Variants in FLG observed in about 807,000 individuals in gnomAD.
The protein encoded by FLG is filaggrin.
A neutral mutation model predicts 3.8 loss-of-function variants in FLG; 6 were observed. That is an observed-to-expected ratio of 1.60 (90% CI 0.87 to 3.15). The LOEUF is 3.15. Among genes scored for constraint, FLG ranks in the 30% most tolerant of loss-of-function variants. The pLI is 0.00. For synonymous variants in FLG, 2,551 were observed against 1,931.6 expected (o/e 1.32, Z -8.41); for missense variants, 7,595 against 5,050.9 (o/e 1.50, Z -15.27).
rs752856446 is a variant in FLG, at chr1:152,308,793, G to A, written c.6093C>T (p.Val2031=). ...GIGHGQASSA[V]RDSGHRGYSG... is the part of the protein sequence containing the mutation. ...TGTACCCTCGGTGTCCACTGTCTCTGACTGCAGATGAAGCTTGTCCATGCC... is the reference window on the plus strand; with the variant it reads ...TGTACCCTCGGTGTCCACTGTCTCTAACTGCAGATGAAGCTTGTCCATGCC... The change falls in exon 3 of 3, where the codon GTC becomes GTT. Residue 2031 remains valine (V), a synonymous_variant. Coordinates refer to ENST00000368799, the MANE Select transcript of FLG (RefSeq NM_002016.2). 3.7e-6 allele frequency: 6 copies of A among 1,614,160 alleles called. No individual in the cohort carries two copies. The East Asian group carries it at 1.1e-4, about 30-fold the overall frequency.
rs371502163 is a variant in FLG at position 152,305,168 on chromosome 1, G to C, written c.9718C>G (p.Arg3240Gly). ...CTTGACTGCTCCTGAACAGATCCACGATGGTTTCTGGAAGCAGACCCAGAC... is the reference window on the plus strand; with the variant it reads ...CTTGACTGCTCCTGAACAGATCCACCATGGTTTCTGGAAGCAGACCCAGAC... Reference protein sequence around the residue: ...RWSGSASRNHRGSVQEQSRHG... With the variant: ...RWSGSASRNHGGSVQEQSRHG... The change falls in exon 3 of 3, where the codon CGT becomes GGT. Residue 3240 changes from arginine to glycine, a missense_variant. Coordinates refer to ENST00000368799, the MANE Select transcript of FLG (RefSeq NM_002016.2). 5 of 1,613,670 alleles carry C rather than the reference G, an allele frequency of 3.1e-6. No homozygotes were observed. In the African/African-American group the frequency reaches 5.3e-5, roughly 17 times the overall value.
rs762970893 is a variant in FLG at position 152,308,223 on chromosome 1, T to C, written c.6663A>G (p.Arg2221=). The C allele has an allele frequency of 1.9e-6, 3 of 1,614,014 alleles. No homozygotes were observed. Among genetic ancestry groups the C allele is most frequent in the South Asian group, 2.2e-5 (2 of 91,086 alleles). ...ATTGTCCCTGGCCCACCAGTGAGTG[T>C]CTAGAGCTGTCGGCCCAAGAGGAAG... ...HEASSWADSS[R]HSLVGQGQSS... Residue 2221 remains arginine, a synonymous_variant, in exon 3 of 3, where the codon AGA becomes AGG. Coordinates refer to ENST00000368799, the MANE Select transcript of FLG (RefSeq NM_002016.2).
intron 1 of FLG, among the ~76,000 whole-genome samples, chr1:152,319,965 C>A (rs570937801): frequency 9.3e-5 from 14 of 151,222 alleles, no homozygotes; most frequent in Admixed American, 2.0e-4. Flanking sequence ...AATTAAAATA[C>A]ATAACAATCC....
At chr1:152,320,803 T>G (rs1218944039) in intron 1 of FLG, among the ~76,000 whole-genome samples, 1 of 150,946 alleles carries the variant, frequency 6.6e-6, no homozygotes, top group African/African-American at 2.4e-5. Flanking sequence ...TTTCAATAAA[T>G]TTTAAAGGGT....
rs755233970 is a variant in FLG at position 152,312,685 on chromosome 1, A to G, written c.2201T>C (p.Val734Ala). The G allele has an allele frequency of 1.2e-6, 2 of 1,613,674 alleles. No individual in the cohort carries two copies. The highest frequency in any genetic ancestry group is 1.7e-6 in the Non-Finnish European group (2 of 1,179,948). ...GGACCCTCGGTGTCCACTGTCTCTGACTGCAGATGAAGCTTGTCCGTGCCC... is the reference window on the plus strand; with the variant it reads ...GGACCCTCGGTGTCCACTGTCTCTGGCTGCAGATGAAGCTTGTCCGTGCCC... ...GTGHGQASSA[V>A]RDSGHRGSSG... The change falls in exon 3 of 3, where the codon GTC (valine) becomes GCC (alanine). Residue 734 changes from valine to alanine, a missense_variant. By Grantham distance (64) the Val-to-Ala change is moderately conservative (BLOSUM62 0). Coordinates refer to ENST00000368799, the MANE Select transcript of FLG (RefSeq NM_002016.2).
At position 152,310,064 on chromosome 1, in the gene FLG, C is replaced by A. The variant is rs1652284727; in HGVS notation, c.4822G>T (p.Glu1608Ter). Residue 1608 changes from glutamate (E) to a stop codon, truncating the protein, a stop_gained, in exon 3 of 3, where the codon GAG becomes TAG. Coordinates refer to ENST00000368799, the MANE Select transcript of FLG (RefSeq NM_002016.2). LOFTEE classifies it low-confidence loss of function (END_TRUNC). ...RDSEGHSEDS[E>*]RRSESASRNH... ...CTGGAAGCCGACTCAGACCGCCTCT[C>A]AGAGTCTTCTGAGTGTCCCTCACTG... The A allele has an allele frequency of 6.2e-7, 1 of 1,613,930 alleles. No homozygotes were observed. Among genetic ancestry groups the A allele is most frequent in the Non-Finnish European group, 8.5e-7 (1 of 1,180,018 alleles).
In FLG at chr1:152,307,710, A is replaced by T. The variant is rs1163393680; in HGVS notation, c.7176T>A (p.His2392Gln). 1.9e-6 allele frequency: 3 copies of T among 1,612,430 alleles called. No individual in the cohort carries two copies. The Admixed American group carries it at 5.0e-5, about 27-fold the overall frequency. The change falls in exon 3 of 3, where the codon CAT becomes CAA. Residue 2392 changes from histidine (H) to glutamine (Q), a missense_variant. Physicochemically the swap from His to Gln is conservative, Grantham distance 24. Coordinates refer to ENST00000368799, the MANE Select transcript of FLG (RefSeq NM_002016.2). ...SVSAHGQAGP[H>Q]QQSHQESTRG... Reference sequence around the variant, plus strand: ...GTGTGGACTCTTGGTGGCTCTGCTGATGGGGCCCAGCCTGTCCGTGGGCTG... The same window carrying T: ...GTGTGGACTCTTGGTGGCTCTGCTGTTGGGGCCCAGCCTGTCCGTGGGCTG...
rs762548262 is a variant in FLG, at chr1:152,314,067, C to T, written c.819G>A (p.Arg273=). Residue 273 remains arginine, a synonymous_variant, in exon 3 of 3, where the codon AGG becomes AGA. Transcript: ENST00000368799. ...CCTGGCTTGTATTTTCATGTCTTGA[C>T]CTGTTCACTTGAGATGATGATTTGC... ...SDGKSSSQVN[R]SRHENTSQVP... The T allele has an allele frequency of 9.9e-6, 16 of 1,614,158 alleles. No individual in the cohort carries two copies. Among genetic ancestry groups the T allele is most frequent in the Non-Finnish European group, 1.4e-5 (16 of 1,180,026 alleles).
chr1:152,311,506 G>C lies in FLG; in HGVS notation c.3380C>G (p.Ser1127Cys). The change falls in exon 3 of 3, where the codon TCT (serine) becomes TGT (cysteine). Residue 1127 changes from serine to cysteine, a missense_variant. Transcript: ENST00000368799. ...CCTGGTCCGCCCATGGGCAGACTCA[G>C]ACTGTTCATGAGTGCTCACCTGGTA... ...FIYQVSTHEQ[S>C]ESAHGRTRTS... The C allele has an allele frequency of 6.2e-7, 1 of 1,613,894 alleles. No homozygotes were observed. The highest frequency in any genetic ancestry group is 1.1e-5 in the South Asian group (1 of 91,066).
chr1:152,314,999 A>G (rs1652726579), intron 2 of FLG: 5 of 481,806 alleles, frequency 1.0e-5, no homozygotes, highest in Non-Finnish European at 1.4e-5. Context: ...AGAAGTGTAT[A>G]TAATTCATTA....
chr1:152,322,574 C>A (rs1653016835), intron 1 of FLG, among the ~76,000 whole-genome samples: 1 of 150,230 alleles, frequency 6.7e-6, no homozygotes, highest in Non-Finnish European at 1.5e-5. Context: ...TGGCTGTACT[C>A]AGAATATTAT....
rs1168562627 is a variant in FLG, at chr1:152,310,902, T to C, written c.3984A>G (p.Gln1328=). 3.7e-6 allele frequency: 6 copies of C among 1,613,972 alleles called. No homozygotes were observed. Among genetic ancestry groups the C allele is most frequent in the Non-Finnish European group, 5.1e-6 (6 of 1,179,988 alleles). The change falls in exon 3 of 3, where the codon CAA becomes CAG. Residue 1328 remains glutamine (Q), a synonymous_variant. Coordinates refer to ENST00000368799, the MANE Select transcript of FLG (RefSeq NM_002016.2). ...AAGACTCTGTGTGATGAGTGCCTGA[T>C]TGTCTGGAGCTGTCTGCAGAGTGCC... ...SHGHSADSSR[Q]SGTHHTESSS...
Position 152,304,073 on chromosome 1 carries a change from T to G in FLG, c.10813A>C (p.Asn3605His), listed in dbSNP as rs76025045. 11 of 1,612,380 alleles carry G rather than the reference T, an allele frequency of 6.8e-6. No individual in the cohort carries two copies. The highest frequency in any genetic ancestry group is 1.3e-5 in the African/African-American group (1 of 74,630). The change falls in exon 3 of 3, where the codon AAT (asparagine) becomes CAT (histidine). Residue 3605 changes from asparagine to histidine, a missense_variant. Physicochemically the swap from Asn to His is moderately conservative, Grantham distance 68 (BLOSUM62 1). Transcript: ENST00000368799. ...SRQSGTHHAENSSGGQAASSH... is the reference protein window; with the variant it reads ...SRQSGTHHAEHSSGGQAASSH... ...GATGCAGCCTGTCCACCAGAGGAAT[T>G]CTCTGCATGATGAGTGCCTGATTGT...
In FLG at chr1:152,307,302, C is replaced by A. The variant is rs746090083; in HGVS notation, c.7584G>T (p.Arg2528Ser). 7 of 1,613,440 alleles carry A rather than the reference C, an allele frequency of 4.3e-6. No homozygotes were observed. In the South Asian group the frequency reaches 7.7e-5, roughly 18 times the overall value. ...RNDEQSGDGS[R>S]HSGSRHHEAS... ...CTTCATGGTGACGCGACCCTGAGTG[C>A]CTGGAGCCGTCTCCTGATTGTTCAT... The change falls in exon 3 of 3, where the codon AGG becomes AGT. Residue 2528 changes from arginine (R) to serine (S), a missense_variant. Coordinates refer to ENST00000368799, the MANE Select transcript of FLG (RefSeq NM_002016.2).
Position 152,314,288 on chromosome 1 carries a change from G to C in FLG, c.598C>G (p.Leu200Val). 1 of 1,612,572 alleles carries C rather than the reference G, an allele frequency of 6.2e-7. No homozygotes were observed. Among genetic ancestry groups the C allele is most frequent in the Non-Finnish European group, 8.5e-7 (1 of 1,179,680 alleles). ...TCTTTCTCTTCAAGTCTTTCACTTA[G>C]CCTCTTCCTATTGTCTCCTAATCTA... ...NTRLGDNRKR[L>V]SERLEEKEDN... is the part of the protein sequence containing the mutation. The change falls in exon 3 of 3, where the codon CTA becomes GTA. Residue 200 changes from leucine (L) to valine (V), a missense_variant. Transcript: ENST00000368799.
rs751717968 is a variant in FLG, at chr1:152,312,707, G to T, written c.2179C>A (p.His727Asn). 2 of 1,613,988 alleles carry T rather than the reference G, an allele frequency of 1.2e-6. No individual in the cohort carries two copies. The highest frequency in any genetic ancestry group is 8.5e-7 in the Non-Finnish European group (1 of 1,180,020). The change falls in exon 3 of 3, where the codon CAC becomes AAC. Residue 727 changes from histidine (H) to asparagine (N), a missense_variant. Physicochemically the swap from His to Asn is moderately conservative, Grantham distance 68. Transcript: ENST00000368799. ...ADSSRHSGTGHGQASSAVRDS... is the reference protein window; with the variant it reads ...ADSSRHSGTGNGQASSAVRDS... ...CTGACTGCAGATGAAGCTTGTCCGT[G>T]CCCAGTGCCTGAGTGTCTGGAGCTG... is the stretch of plus-strand genomic sequence containing the variant.
chr1:152,323,677 A>ATT (rs531591628), intron 1 of FLG, among the ~76,000 whole-genome samples: 2 of 144,634 alleles, frequency 1.4e-5, no homozygotes, highest in East Asian at 2.0e-4. Context: ...GAGAATTGAG[A>ATT]TTTTTTTTTT....
At position 152,310,713 on chromosome 1, in the gene FLG, A is replaced by G. The variant is rs762904383; in HGVS notation, c.4173T>C (p.Ser1391=). ...AVRDSGHRGS[S]GSQVTNSEGH... Reference sequence around the variant, plus strand: ...CCTCACTGTTAGTGACCTGACTACCACTGGACCCTCGGTGTCCACTGTCTC... The same window carrying G: ...CCTCACTGTTAGTGACCTGACTACCGCTGGACCCTCGGTGTCCACTGTCTC... Residue 1391 remains serine (S), a synonymous_variant, in exon 3 of 3, where the codon AGT becomes AGC. Coordinates refer to ENST00000368799, the MANE Select transcript of FLG (RefSeq NM_002016.2). 24 of 1,613,752 alleles carry G rather than the reference A, an allele frequency of 1.5e-5. No individual in the cohort carries two copies. In the Admixed American group the frequency reaches 2.5e-4, roughly 17 times the overall value.
Position 152,310,275 on chromosome 1 carries a change from G to C in FLG, c.4611C>G (p.Pro1537=). The part of the protein sequence containing the change: ...RSDASHGQSG[P]RSASRQTRNE... ...TTCTTGTTTGCCTGCTTGCACTTCT[G>C]GGTCCTGACTGCCCATGGGAGGCAT... is the stretch of plus-strand genomic sequence containing the variant. The change falls in exon 3 of 3, where the codon CCC becomes CCG. Residue 1537 remains proline, a synonymous_variant. Transcript: ENST00000368799. 1.2e-6 allele frequency: 2 copies of C among 1,613,768 alleles called. No individual in the cohort carries two copies. Among genetic ancestry groups the C allele is most frequent in the Non-Finnish European group, 1.7e-6 (2 of 1,179,948 alleles).
Sources: allele counts gnomAD v4.1 joint callset (sites outside exome capture counted in the v4.1 genomes callset), GRCh38; gene constraint gnomAD v4.1.1; transcripts MANE v1.5; gene names NCBI Gene and HGNC (gene_info 2026-07-23, HGNC 2026-07-21).